Variants in SLC35E2B observed in about 807,000 individuals in gnomAD.
The protein encoded by SLC35E2B is solute carrier family 35, member E2B.
Under a neutral mutation model 32.4 loss-of-function variants are expected in SLC35E2B, and 18 were observed. The observed-to-expected ratio is 0.56, with a 90% CI of 0.38 to 0.82. SLC35E2B has a LOEUF of 0.82. Ranked by LOEUF, SLC35E2B falls within the 40% of genes least tolerant of loss-of-function variation. The pLI, the probability that SLC35E2B is intolerant of heterozygous loss-of-function variation, is 0.00. For synonymous variants in SLC35E2B, 132 were observed against 209.1 expected, an observed-to-expected ratio of 0.63 and a Z score of 3.18; for missense variants, 263 against 469.5, an observed-to-expected ratio of 0.56 and a Z score of 4.06.
At chr1:1,680,500 T>C (rs1244789019) in intron 2 of SLC35E2B, among the ~76,000 whole-genome samples, 1 of 152,098 alleles carries the variant, frequency 6.6e-6, no homozygotes, top group Non-Finnish European at 1.5e-5. Flanking sequence ...TGTGTCTACG[T>C]GCAGGAGTGG....
At position 1,675,486 on chromosome 1, in the gene SLC35E2B, C is replaced by A. The variant is rs748247356; in HGVS notation, c.563G>T (p.Arg188Leu). 1.9e-6 allele frequency: 3 copies of A among 1,609,180 alleles called. No homozygotes were observed. The highest frequency in any genetic ancestry group is 3.4e-5 in the Admixed American group (2 of 59,370). The change falls in exon 5 of 10, where the codon CGG becomes CTG. Residue 188 changes from arginine to leucine, a missense_variant. Around this residue, in one of 7 missense-constraint regions of SLC35E2B, gnomAD observed 129 missense variants for 164.5 expected, o/e 0.78. Coordinates refer to ENST00000617444, the MANE Select transcript of SLC35E2B (RefSeq NM_001290264.2). ...ACCTGTGTACTCCCCCAGAATCATC[C>A]GAGACATGATCACCGTGAAGATGGG... ...SAPIFTVIMS[R>L]MILGEYTGLL...
At chr1:1,674,624 TA>T (rs1369244280) in intron 5 of SLC35E2B, among the ~76,000 whole-genome samples, 4 of 76,400 alleles carry the variant, frequency 5.2e-5, no homozygotes, top group South Asian at 3.8e-4. Context: ...CTCAAAAACA[TA>T]AAAAAAACAA....
chr1:1,687,660 G>A (rs1018207205), intron 2 of SLC35E2B, among the ~76,000 whole-genome samples: 4 of 151,480 alleles, frequency 2.6e-5, no homozygotes, highest in Non-Finnish European at 4.4e-5. Flanking sequence ...TCTTGAACCC[G>A]GGAGGCGGAG....
At chr1:1,678,828 C>A (rs918631654) in intron 2 of SLC35E2B, among the ~76,000 whole-genome samples, 2 of 152,178 alleles carry the variant, frequency 1.3e-5, no homozygotes, top group African/African-American at 4.8e-5. Context: ...CTGGCTGGGC[C>A]CTGAGCCAGG....
chr1:1,686,083 C>A (rs1570345817), intron 2 of SLC35E2B, among the ~76,000 whole-genome samples: 1 of 152,300 alleles, frequency 6.6e-6, no homozygotes, highest in Non-Finnish European at 1.5e-5. Flanking sequence ...TGGCTCACCA[C>A]AACCTTCGCC....
At chr1:1,675,367 C>T (rs1353561350) in intron 5 of SLC35E2B, 96 bp downstream of exon 5, 10 of 800,812 alleles carry the variant, frequency 1.2e-5, no homozygotes, top group Admixed American at 5.8e-5. Flanking sequence ...GTGGTCCTCG[C>T]GGCAGAGCCC....
intron 2 of SLC35E2B, among the ~76,000 whole-genome samples, chr1:1,685,347 G>A (rs1643937590): frequency 6.9e-6 from 1 of 145,648 alleles, no homozygotes; most frequent in Non-Finnish European, 1.5e-5. Context: ...CTGGGAGGAT[G>A]AGCCTGCAGT....
intron 5 of SLC35E2B, chr1:1,672,890 C>A (rs1283653319): frequency 6.5e-6 from 1 of 153,122 alleles, no homozygotes; most frequent in Non-Finnish European, 1.5e-5. Flanking sequence ...CCACAGACTT[C>A]TTTTTGCTAA....
At chr1:1,684,097 G>T (rs1389746028) in intron 2 of SLC35E2B, among the ~76,000 whole-genome samples, 3 of 152,112 alleles carry the variant, frequency 2.0e-5, no homozygotes. Flanking sequence ...CCCGTGGGCC[G>T]CAGGGTAGAC....
chr1:1,673,746 G>A (rs1246830663), intron 5 of SLC35E2B, among the ~76,000 whole-genome samples: 2 of 151,958 alleles, frequency 1.3e-5, no homozygotes, highest in African/African-American at 4.8e-5. Context: ...GCGGATCAAC[G>A]AGGTCAGGAG....
intron 9 of SLC35E2B, among the ~76,000 whole-genome samples, chr1:1,667,187 A>G (rs1643568818): frequency 7.0e-6 from 1 of 142,074 alleles, no homozygotes; most frequent in Admixed American, 7.3e-5. Context: ...CGGGCAGATC[A>G]CAAGGTCAGG....
intron 2 of SLC35E2B, among the ~76,000 whole-genome samples, chr1:1,689,674 A>G (rs947034378): frequency 1.8e-4 from 28 of 151,574 alleles, no homozygotes; most frequent in African/African-American, 5.8e-4. Flanking sequence ...TAAATGAAGA[A>G]TTCTGTTTCA....
At chr1:1,670,744 T>TA (rs1271710382) in intron 6 of SLC35E2B, 1 of 152,290 alleles carries the variant, frequency 6.6e-6, no homozygotes, top group East Asian at 1.9e-4. Context: ...ACTTCTGTAT[T>TA]ATTCAAAATC....
intron 2 of SLC35E2B, among the ~76,000 whole-genome samples, chr1:1,681,592 C>G (rs909003556): frequency 1.3e-5 from 2 of 150,526 alleles, no homozygotes; most frequent in East Asian, 2.0e-4. Context: ...CCGTAGCCCC[C>G]ACTTCTTGGA....
chr1:1,684,373 G>A (rs1570343582), intron 2 of SLC35E2B, among the ~76,000 whole-genome samples: 1 of 152,176 alleles, frequency 6.6e-6, no homozygotes, highest in Non-Finnish European at 1.5e-5. Flanking sequence ...TGCTGAAGGC[G>A]TTTGCTTTCC....
intron 2 of SLC35E2B, among the ~76,000 whole-genome samples, chr1:1,680,961 C>T (rs1643895153): frequency 6.6e-6 from 1 of 151,800 alleles, no homozygotes; most frequent in Non-Finnish European, 1.5e-5. Context: ...TGCCACCACG[C>T]CCAGCCGCTT....
Position 1,666,032 on chromosome 1 carries a change from G to A in SLC35E2B, c.981-13C>T. The stretch of plus-strand genomic sequence containing the variant: ...GGTGCTGGCGACGCTGCGGAGGCAA[G>A]GGGAGGCAGCAGGGGCGCTCAGGGC... On this transcript the variant is annotated splice_polypyrimidine_tract_variant and intron_variant, in intron 9 of 9. Coordinates refer to ENST00000617444, the MANE Select transcript of SLC35E2B (RefSeq NM_001290264.2). 1.3e-6 allele frequency: 2 copies of A among 1,547,930 alleles called. No individual in the cohort carries two copies. The highest frequency in any genetic ancestry group is 2.4e-5 in the South Asian group (2 of 83,782).
At chr1:1,675,938 G>C in intron 4 of SLC35E2B, 126 bp downstream of exon 4, 1 of 527,886 alleles carries the variant, frequency 1.9e-6, no homozygotes. Context: ...AATCTGGACA[G>C]CCCTGGTGCT....
At chr1:1,668,264 A>G in intron 9 of SLC35E2B, 63 bp downstream of exon 9, 1 of 1,522,530 alleles carries the variant, frequency 6.6e-7, no homozygotes, top group Non-Finnish European at 8.9e-7. Context: ...AAATACCTAG[A>G]TTTCTGGTCT....
Sources: gnomAD v4.1 joint callset for allele counts (sites outside exome capture counted in the v4.1 genomes callset) on GRCh38, gnomAD v4.1.1 for gene constraint, gnomAD v4.1.1 regional missense constraint, MANE v1.5 for transcripts, NCBI Gene and HGNC (gene_info 2026-07-23, HGNC 2026-07-21) for gene names.